The following SLCO4A1 variants were observed in gnomAD, a reference collection of about 807,000 sequenced individuals.
SLCO4A1 encodes the protein solute carrier organic anion transporter family member 4A1.
In SLCO4A1, 51 loss-of-function variants were observed where a neutral mutation model predicts 64.6. The ratio of observed to expected loss-of-function variants is 0.79; its 90% CI spans 0.63 to 1.00. SLCO4A1 has a LOEUF of 1.00. Among genes scored for constraint, SLCO4A1 ranks in the 50% least tolerant of loss-of-function variants. The pLI is 0.00. For missense variants in SLCO4A1, 919 were observed against 980.5 expected (o/e 0.94, Z 0.84); for synonymous variants, 471 against 444.9 (o/e 1.06, Z -0.74).
intron 2 of SLCO4A1, among the ~76,000 whole-genome samples, chr20:62,678,412 C>A (rs746182621): frequency 6.6e-6 from 1 of 151,988 alleles, no homozygotes; most frequent in African/African-American, 2.4e-5. Flanking sequence ...GAACCCAGCT[C>A]GACAGTTTAC....
At position 62,685,509 on chromosome 20, in the gene SLCO4A1, G is replaced by T; in HGVS notation, n.280G>T. 1 of 945,696 alleles carries T rather than the reference G, an allele frequency of 1.1e-6. No homozygotes were observed. The highest frequency in any genetic ancestry group is 1.8e-5 in the African/African-American group (1 of 56,524). 58.6% of individuals were successfully genotyped at this position (945,696 alleles called of 1,614,324 possible). On this transcript the variant is annotated non_coding_transcript_exon_variant, in exon 3 of 3. Coordinates refer to the SLCO4A1 transcript ENST00000466818. The surrounding 1 kb of genome is among the most constrained non-coding windows in gnomAD (Gnocchi z 4.6). Reference sequence around the variant, plus strand: ...CTTACACATAGATCTCCTTGAATTGGATTTTCACCAAGGCCGTGATGGATG... The same window carrying T: ...CTTACACATAGATCTCCTTGAATTGTATTTTCACCAAGGCCGTGATGGATG...
At chr20:62,664,414 G>T (rs923285752) in intron 5 of SLCO4A1, among the ~76,000 whole-genome samples, 9 of 152,308 alleles carry the variant, frequency 5.9e-5, no homozygotes, top group Non-Finnish European at 7.4e-5. Context: ...CCATTCCCGT[G>T]ATTCCATTCC....
In SLCO4A1 at chr20:62,660,605, C is replaced by T. The variant is rs543812831; in HGVS notation, c.1009+72C>T. The stretch of plus-strand genomic sequence containing the variant: ...CTTAGTCTTCGCGAAGGGGGCACCC[C>T]GTTTCCTCTGCTGTCTTTTTCCCCG... On this transcript the variant is annotated intron_variant, in intron 4 of 11. Transcript: ENST00000217159. 3.2e-5 allele frequency: 48 copies of T among 1,521,834 alleles called. No homozygotes were observed. The African/African-American group carries it at 4.1e-4, about 13-fold the overall frequency. 94.3% of individuals were successfully genotyped at this position (1,521,834 alleles called of 1,614,324 possible).
downstream of SLCO4A1, among the ~76,000 whole-genome samples, chr20:62,690,056 G>A (rs1201748963): frequency 6.6e-6 from 1 of 152,230 alleles, no homozygotes; most frequent in Non-Finnish European, 1.5e-5. Flanking sequence ...AACGACCCCA[G>A]CCCCCTTGCC....
intron 11 of SLCO4A1, among the ~76,000 whole-genome samples, chr20:62,670,647 T>C (rs1273262387): frequency 1.3e-5 from 2 of 152,192 alleles, no homozygotes; most frequent in Admixed American, 6.5e-5. Context: ...ACTCTCTCTT[T>C]GCTGTGTTGG....
intron 4 of SLCO4A1, 24 bp downstream of exon 4, chr20:62,660,557 G>A: frequency 6.2e-7 from 1 of 1,602,284 alleles, no homozygotes; most frequent in Non-Finnish European, 8.5e-7. Context: ...CCCCAGCCCA[G>A]CCTTCACATT....
downstream of SLCO4A1, among the ~76,000 whole-genome samples, chr20:62,690,522 C>A (rs1037679510): frequency 2.0e-5 from 3 of 152,232 alleles, no homozygotes; most frequent in Non-Finnish European, 4.4e-5. Context: ...TCACTATTAT[C>A]TCAGATTTAC....
At chr20:62,677,002 A>G (rs1412684768), downstream of SLCO4A1, among the ~76,000 whole-genome samples, 1 of 152,242 alleles carries the variant, frequency 6.6e-6, no homozygotes, top group African/African-American at 2.4e-5. Flanking sequence ...GCAGGTGCGC[A>G]TGGACCTTGA....
chr20:62,665,308 G>T (rs952979891), intron 6 of SLCO4A1: 5 of 545,614 alleles, frequency 9.2e-6, no homozygotes, highest in Non-Finnish European at 1.6e-5. Flanking sequence ...GACATGCTCC[G>T]TAGGTGGAAG....
At chr20:62,654,242 T>C (rs1983209412) in intron 1 of SLCO4A1, among the ~76,000 whole-genome samples, 1 of 152,172 alleles carries the variant, frequency 6.6e-6, no homozygotes, top group South Asian at 2.1e-4. Context: ...CCTCTAAAAA[T>C]GCACCTGTCA....
intron 5 of SLCO4A1, among the ~76,000 whole-genome samples, chr20:62,663,920 G>A (rs1985567268): frequency 3.9e-5 from 6 of 152,208 alleles, no homozygotes; most frequent in Admixed American, 3.9e-4. Flanking sequence ...CATCTTATGC[G>A]CTTAAGCAGC....
At position 62,667,775 on chromosome 20, in the gene SLCO4A1, G is replaced by A. The variant is rs144411444; in HGVS notation, c.1503G>A (p.Thr501=). ...TGCCCGAAGGCCACCTGAACCTAAC[G>A]GCTCCCTGCAACGCTGCCTGCAGCT... ...SLLPEGHLNL[T]APCNAACSCQ... The change falls in exon 8 of 12, where the codon ACG becomes ACA. Residue 501 remains threonine, a synonymous_variant. Transcript: ENST00000217159. 1.9e-5 allele frequency: 31 copies of A among 1,610,784 alleles called. No individual in the cohort carries two copies. The highest frequency in any genetic ancestry group is 8.0e-5 in the African/African-American group (6 of 74,878).
intron 7 of SLCO4A1, 159 bp from the exon 8 acceptor site, chr20:62,667,586 T>C (rs574169588): frequency 1.2e-4 from 96 of 781,800 alleles, no homozygotes; most frequent in Middle Eastern, 3.9e-4. Flanking sequence ...CAGTGCCCAG[T>C]GTGAGTGCCC....
At position 62,669,085 on chromosome 20, in the gene SLCO4A1, A is replaced by AGGCCC. The variant is rs1405799781; in HGVS notation, c.2025+8_2025+12dup. On this transcript the variant is annotated splice_region_variant and intron_variant, in intron 11 of 11. Transcript: ENST00000217159. ...CATGGGGCTCCTGTACAAGGTAAGCAGGCCCAGGGAGGGGACAGAGGGTCT... is the reference window on the plus strand; with the variant it reads ...CATGGGGCTCCTGTACAAGGTAAGCAGGCCCGGCCCAGGGAGGGGACAGAGGGTCT... 3.1e-6 allele frequency: 5 copies of AGGCCC among 1,607,540 alleles called. No individual in the cohort carries two copies. Among genetic ancestry groups the AGGCCC allele is most frequent in the Non-Finnish European group, 4.2e-6 (5 of 1,179,528 alleles).
At chr20:62,643,902 T>C (rs1296860991) in intron 1 of SLCO4A1, among the ~76,000 whole-genome samples, 1 of 152,184 alleles carries the variant, frequency 6.6e-6, no homozygotes, top group Non-Finnish European at 1.5e-5. Flanking sequence ...TCCCACTTTA[T>C]AGATGAGTAA....
chr20:62,653,876 C>A (rs1360415264), intron 1 of SLCO4A1, among the ~76,000 whole-genome samples: 1 of 148,410 alleles, frequency 6.7e-6, no homozygotes, highest in Non-Finnish European at 1.5e-5. Context: ...AACATCACAC[C>A]CCGGGGCCTG....
intron 5 of SLCO4A1, among the ~76,000 whole-genome samples, chr20:62,664,166 T>C (rs1351901175): frequency 1.3e-5 from 2 of 152,122 alleles, no homozygotes; most frequent in Admixed American, 1.3e-4. Flanking sequence ...AGGCTGAGGC[T>C]GAGCCCTCAG....
intron 1 of SLCO4A1, among the ~76,000 whole-genome samples, chr20:62,652,545 T>A (rs1256813511): frequency 6.6e-6 from 1 of 152,230 alleles, no homozygotes; most frequent in Non-Finnish European, 1.5e-5. Flanking sequence ...GTCATCCTTG[T>A]GACAGCTCGC....
intron 9 of SLCO4A1, 60 bp from the exon 10 acceptor site, chr20:62,668,408 TGGCCTAGGG>T: frequency 1.3e-6 from 2 of 1,522,532 alleles, no homozygotes; most frequent in South Asian, 2.2e-5. Context: ...AGGAGGCCAC[TGGCCTAGGG>T]GGTGACTTGG....
Sources: allele counts gnomAD v4.1 joint callset (sites outside exome capture counted in the v4.1 genomes callset), GRCh38; gene constraint gnomAD v4.1.1; non-coding constraint Gnocchi (gnomAD v3.1); transcripts MANE v1.5; gene names NCBI Gene and HGNC (gene_info 2026-07-23, HGNC 2026-07-21).